Variants in SLC9D1 observed in about 807,000 individuals in gnomAD.
SLC9D1 encodes solute carrier family 9 member D1, also known as putative LAG1-interacting protein.
At chr13:113,530,964 G>A in the SLC9D1 span, among the ~76,000 whole-genome samples, 1 of 152,292 alleles carries the variant, frequency 6.6e-6, no homozygotes, top group East Asian at 1.9e-4. Flanking sequence ...ATTAGAAGCT[G>A]GGTGGTGCCC....
At chr13:113,526,761 G>A in the SLC9D1 span, among the ~76,000 whole-genome samples, 3 of 152,202 alleles carry the variant, frequency 2.0e-5, no homozygotes, top group Non-Finnish European at 2.9e-5. Flanking sequence ...GGCGTCTGCC[G>A]TGGTTTACAG....
the SLC9D1 span, among the ~76,000 whole-genome samples, chr13:113,494,237 G>A: frequency 9.2e-5 from 14 of 152,308 alleles, no homozygotes; most frequent in African/African-American, 2.6e-4. Flanking sequence ...TAAGTGGTAG[G>A]TGTTGGTTTT....
the SLC9D1 span, among the ~76,000 whole-genome samples, chr13:113,523,071 G>A: frequency 6.6e-6 from 1 of 151,574 alleles, no homozygotes; most frequent in Admixed American, 6.6e-5. Flanking sequence ...AATTTATTGA[G>A]GATTTTGGGG....
At chr13:113,547,250 C>A in the SLC9D1 span, 5 of 1,380,572 alleles carry the variant, frequency 3.6e-6, no homozygotes, top group South Asian at 2.3e-5. Flanking sequence ...ATAGTGTGCG[C>A]TGGGGGAGGC....
At chr13:113,542,724 C>T in the SLC9D1 span, among the ~76,000 whole-genome samples, 10 of 152,152 alleles carry the variant, frequency 6.6e-5, no homozygotes, top group Non-Finnish European at 1.2e-4. Context: ...TCCCTGGCAG[C>T]TGTCCACTCA....
At chr13:113,546,275 C>A in the SLC9D1 span, among the ~76,000 whole-genome samples, 1 of 151,738 alleles carries the variant, frequency 6.6e-6, no homozygotes, top group East Asian at 2.0e-4. This position sits in a 1 kb window ranked among gnomAD's most constrained non-coding sequence, Gnocchi z 7.1. Flanking sequence ...CGGGGCTCAG[C>A]TGACAGCTGG....
the SLC9D1 span, among the ~76,000 whole-genome samples, chr13:113,515,982 G>T: frequency 1.3e-5 from 2 of 150,516 alleles, no homozygotes; most frequent in Non-Finnish European, 3.0e-5. Flanking sequence ...TATTGTAATA[G>T]ATTTTTGTGT....
the SLC9D1 span, among the ~76,000 whole-genome samples, chr13:113,531,134 C>T: frequency 2.6e-5 from 4 of 152,228 alleles, no homozygotes; most frequent in South Asian, 2.1e-4. Context: ...CCTTGGTCAC[C>T]GCAGCGCCCA....
chr13:113,529,152 T>C, the SLC9D1 span: 4 of 152,232 alleles, frequency 2.6e-5, no homozygotes, highest in African/African-American at 7.2e-5. Flanking sequence ...AGCTTTTTTT[T>C]CCCTTTTTTC....
At chr13:113,506,876 C>T in the SLC9D1 span, among the ~76,000 whole-genome samples, 1 of 152,158 alleles carries the variant, frequency 6.6e-6, no homozygotes, top group Non-Finnish European at 1.5e-5. Context: ...GGCCTGCTGT[C>T]GTCTAATGGT....
the SLC9D1 span, chr13:113,504,902 G>A: frequency 6.6e-6 from 1 of 152,166 alleles, no homozygotes; most frequent in Non-Finnish European, 1.5e-5. Flanking sequence ...TTCCTTAGTG[G>A]TTGTGCTAGT....
At chr13:113,514,860 G>A in the SLC9D1 span, among the ~76,000 whole-genome samples, 1 of 152,212 alleles carries the variant, frequency 6.6e-6, no homozygotes, top group Admixed American at 6.5e-5. Context: ...GGGATGACAG[G>A]CGTGTGCCAC....
At chr13:113,497,196 C>A in the SLC9D1 span, among the ~76,000 whole-genome samples, 3 of 151,672 alleles carry the variant, frequency 2.0e-5, no homozygotes. Context: ...GTGCTAACAC[C>A]TGTAGCTGTG....
At chr13:113,535,906 G>A in the SLC9D1 span, among the ~76,000 whole-genome samples, 18 of 151,976 alleles carry the variant, frequency 1.2e-4, no homozygotes, top group Admixed American at 5.9e-4. The surrounding 1 kb of genome is among the most constrained non-coding windows in gnomAD (Gnocchi z 4.1). Context: ...CACCTGAGTC[G>A]GGGTCTGGGG....
chr13:113,540,522 T>C, the SLC9D1 span, among the ~76,000 whole-genome samples: 1 of 152,240 alleles, frequency 6.6e-6, no homozygotes, highest in East Asian at 1.9e-4. Flanking sequence ...ACGTGTTGTG[T>C]TGGCCGTGTG....
chr13:113,504,204 A>C, the SLC9D1 span: 1 of 152,268 alleles, frequency 6.6e-6, no homozygotes, highest in Non-Finnish European at 1.5e-5. Flanking sequence ...TCACAACTGT[A>C]CACCCTTTCT....
At chr13:113,509,354 A>G in the SLC9D1 span, among the ~76,000 whole-genome samples, 5 of 114,948 alleles carry the variant, frequency 4.3e-5, no homozygotes, top group Admixed American at 1.9e-4. Flanking sequence ...GGAGCTGCCT[A>G]TGTTGGGGCT....
chr13:113,533,290 G>T, the SLC9D1 span, among the ~76,000 whole-genome samples: 1 of 148,008 alleles, frequency 6.8e-6, no homozygotes, highest in East Asian at 2.0e-4. Context: ...ATCCCTCTCT[G>T]CTTCAAGCCC....
the SLC9D1 span, chr13:113,495,992 G>T: frequency 9.9e-6 from 16 of 1,612,824 alleles, no homozygotes; most frequent in Non-Finnish European, 1.4e-5. Flanking sequence ...GCAGCCGGCA[G>T]CGCCTGGAGG....
Sources: gnomAD v4.1 joint callset for allele counts (sites outside exome capture counted in the v4.1 genomes callset) on GRCh38, gnomAD v4.1.1 for gene constraint, Gnocchi (gnomAD v3.1) non-coding constraint, MANE v1.5 for transcripts, NCBI Gene and HGNC (gene_info 2026-07-23, HGNC 2026-07-21) for gene names.